R3HDM4: variants seen among roughly 807,000 people sequenced by gnomAD.
R3HDM4 encodes the protein R3H domain-containing protein 4.
R3HDM4 carries 30 observed loss-of-function variants against 31.3 expected under a neutral mutation model. The observed-to-expected ratio is 0.96, with a 90% CI of 0.72 to 1.30. The LOEUF (loss-of-function observed/expected upper bound fraction) is 1.30. R3HDM4 is among the 50% of genes most tolerant of loss of function. The pLI is 0.00. For synonymous variants in R3HDM4, 196 were observed against 156.6 expected (o/e 1.25, Z -1.88); for missense variants, 444 against 366.1 (o/e 1.21, Z -1.74).
At chr19:903,912 G>A (rs1022588536) in intron 1 of R3HDM4, among the ~76,000 whole-genome samples, 8 of 152,122 alleles carry the variant, frequency 5.3e-5, no homozygotes, top group African/African-American at 9.7e-5. Context: ...TTAGCCGGGC[G>A]TGGTGGTGGG....
At position 913,020 on chromosome 19, in the gene R3HDM4, G is replaced by T; in HGVS notation, c.71+67C>A. 1 of 580,072 alleles carries T rather than the reference G, an allele frequency of 1.7e-6. No homozygotes were observed. Among genetic ancestry groups the T allele is most frequent in the Non-Finnish European group, 2.2e-6 (1 of 451,002 alleles). 35.9% of individuals were successfully genotyped at this position (580,072 alleles called of 1,614,324 possible). A position where few individuals can be genotyped will look rare whatever the true frequency, so the allele number is the denominator to read the frequency against. On this transcript the variant is annotated intron_variant, in intron 1 of 7. Transcript: ENST00000361574. This position sits in a 1 kb window ranked among gnomAD's most constrained non-coding sequence, Gnocchi z 5.0. ...GAAAGGAGGGGAGGGGAGGCGGGGAGAGGATCTCAGGGGAGGGAGCCCAGC... is the reference window on the plus strand; with the variant it reads ...GAAAGGAGGGGAGGGGAGGCGGGGATAGGATCTCAGGGGAGGGAGCCCAGC...
chr19:908,331 G>A (rs1006355841), intron 1 of R3HDM4, among the ~76,000 whole-genome samples: 4 of 151,808 alleles, frequency 2.6e-5, no homozygotes, highest in Admixed American at 2.6e-4. Flanking sequence ...GCCTGGCCGG[G>A]CGCAGTGGTT....
intron 1 of R3HDM4, among the ~76,000 whole-genome samples, chr19:909,384 A>G (rs1046856493): frequency 1.3e-5 from 2 of 152,144 alleles, no homozygotes; most frequent in East Asian, 1.9e-4. Context: ...GGCGGCCCCC[A>G]GCAGTCCCCA....
intron 7 of R3HDM4, among the ~76,000 whole-genome samples, chr19:897,871 C>T (rs969372184): frequency 3.3e-5 from 5 of 152,256 alleles, no homozygotes; most frequent in Non-Finnish European, 5.9e-5. Context: ...TCCGGCCTCC[C>T]CTCAGGCTCC....
chr19:904,939 G>A (rs2036883669), intron 1 of R3HDM4, among the ~76,000 whole-genome samples: 1 of 152,214 alleles, frequency 6.6e-6, no homozygotes, highest in East Asian at 1.9e-4. Flanking sequence ...GGGCGTGGTG[G>A]CTCACACCTG....
rs367694345 is a variant in R3HDM4 at position 899,537 on chromosome 19, G to A, written c.648-42C>T. The A allele has an allele frequency of 8.7e-6, 14 of 1,612,484 alleles. No individual in the cohort carries two copies. The highest frequency in any genetic ancestry group is 2.2e-5 in the East Asian group (1 of 44,884). ...GTGAGCGCCGTGCAGGGGCTGCAGCGTGGGGTGTCCGCCCACCTGGCCGCA... is the reference window on the plus strand; with the variant it reads ...GTGAGCGCCGTGCAGGGGCTGCAGCATGGGGTGTCCGCCCACCTGGCCGCA... On this transcript the variant is annotated intron_variant, in intron 6 of 7. Transcript: ENST00000361574. The surrounding 1 kb of genome is among the most constrained non-coding windows in gnomAD (Gnocchi z 6.8).
chr19:902,159 G>A (rs751558630), intron 1 of R3HDM4, 29 bp from the exon 2 acceptor site: 2 of 1,608,874 alleles, frequency 1.2e-6, no homozygotes, highest in Non-Finnish European at 1.7e-6. Context: ...GTGGTCCTCA[G>A]GGTCAAGGCC....
chr19:901,012 C>CG, intron 3 of R3HDM4, 60 bp from the exon 4 acceptor site: 2 of 1,501,184 alleles, frequency 1.3e-6, no homozygotes, highest in Non-Finnish European at 1.8e-6. Flanking sequence ...CTGACATCCC[C>CG]GGGCAAATGG....
intron 1 of R3HDM4, among the ~76,000 whole-genome samples, chr19:906,945 A>G (rs2036912691): frequency 6.6e-6 from 1 of 151,578 alleles, no homozygotes; most frequent in South Asian, 2.1e-4. Flanking sequence ...CCTCCCGAGT[A>G]GCTGGGATTA....
At chr19:897,607 G>T in intron 7 of R3HDM4, 67 bp from the exon 8 acceptor site, 1 of 1,223,410 alleles carries the variant, frequency 8.2e-7, no homozygotes. Flanking sequence ...GAGGTGCCTC[G>T]GACCTGCACC....
In R3HDM4 at chr19:907,642, C is replaced by T. The variant is rs928528010; in HGVS notation, c.71+5445G>A. On this transcript the variant is annotated intron_variant, in intron 1 of 7. Transcript: ENST00000361574. The surrounding 1 kb of genome is among the most constrained non-coding windows in gnomAD (Gnocchi z 4.1). ...AGCTACCCTGCTTCCCTCACCACCC[C>T]TCATACCAAAGCCCCACAGGCCTCT... Among the ~76,000 whole-genome samples the T allele has an allele frequency of 6.6e-6, 1 of 152,124 alleles. No homozygotes were observed. The highest frequency in any genetic ancestry group is 2.4e-5 in the African/African-American group (1 of 41,434).
intron 1 of R3HDM4, among the ~76,000 whole-genome samples, chr19:910,982 G>A (rs139892119): frequency 2.6e-5 from 4 of 151,746 alleles, no homozygotes; most frequent in South Asian, 2.1e-4. Context: ...TTAGCCGGGC[G>A]CGGTGGCGGG....
rs1032895917 is a variant in R3HDM4, at chr19:901,921, T to C, written c.226+55A>G. ...GGGTAACAGATAACACCAATATGCA[T>C]GCCATTCTACAAGGCCCAGGAGCCC... On this transcript the variant is annotated intron_variant, in intron 2 of 7. Coordinates refer to ENST00000361574, the MANE Select transcript of R3HDM4 (RefSeq NM_138774.4). The C allele has an allele frequency of 1.7e-5, 28 of 1,600,636 alleles. No individual in the cohort carries two copies. The East Asian group carries it at 3.6e-4, about 20-fold the overall frequency.
At chr19:908,436 C>A (rs1042575286) in intron 1 of R3HDM4, among the ~76,000 whole-genome samples, 1 of 151,628 alleles carries the variant, frequency 6.6e-6, no homozygotes, top group Non-Finnish European at 1.5e-5. Flanking sequence ...GTGAAACTCC[C>A]GTCTCTACTA....
Position 902,005 on chromosome 19 carries a change from C to T in R3HDM4, c.197G>A (p.Gly66Glu). The T allele has an allele frequency of 6.2e-7, 1 of 1,613,866 alleles. No homozygotes were observed. The highest frequency in any genetic ancestry group is 8.5e-7 in the Non-Finnish European group (1 of 1,180,014). The stretch of plus-strand genomic sequence containing the variant: ...CTCCAGGCGCTGGAGGCTCTTCCGC[C>T]CCTTGGCCTTGGGCACGAGGTCTGA... ...RNSDLVPKAK[G>E]RKSLQRLENT... is the part of the protein sequence containing the mutation. Residue 66 changes from glycine (G) to glutamate (E), a missense_variant, in exon 2 of 8, where the codon GGG becomes GAG. Physicochemically the swap from Gly to Glu is moderately conservative, Grantham distance 98. Coordinates refer to ENST00000361574, the MANE Select transcript of R3HDM4 (RefSeq NM_138774.4).
chr19:898,329 CG>C (rs2036770651), intron 7 of R3HDM4, among the ~76,000 whole-genome samples: 1 of 146,940 alleles, frequency 6.8e-6, no homozygotes, highest in Non-Finnish European at 1.5e-5. Context: ...GGCGTGAACC[CG>C]GGAGGTGGAG....
In R3HDM4 at chr19:897,506, G is replaced by A. The variant is rs1226776299; in HGVS notation, c.738C>T (p.Val246=). 1 of 1,613,054 alleles carries A rather than the reference G, an allele frequency of 6.2e-7. No homozygotes were observed. Among genetic ancestry groups the A allele is most frequent in the African/African-American group, 1.3e-5 (1 of 74,916 alleles). Residue 246 remains valine (V), a synonymous_variant, in exon 8 of 8, where the codon GTC becomes GTT. Coordinates refer to ENST00000361574, the MANE Select transcript of R3HDM4 (RefSeq NM_138774.4). ...GCAGGAAATCCAGGTGCCGATTACT[G>A]ACCTTCATCTGCCGCTTCCCCTCCA... is the stretch of plus-strand genomic sequence containing the variant. The part of the protein sequence containing the change: ...ADLEGKRQMK[V]SNRHLDFLPP...
chr19:904,268 G>A (rs567855348), intron 1 of R3HDM4, among the ~76,000 whole-genome samples: 6 of 152,226 alleles, frequency 3.9e-5, no homozygotes, highest in African/African-American at 9.6e-5. Context: ...GTCCCGCCTC[G>A]GACCTTCGCA....
chr19:905,864 C>A (rs1256367816), intron 1 of R3HDM4, among the ~76,000 whole-genome samples: 2 of 152,140 alleles, frequency 1.3e-5, no homozygotes, highest in Admixed American at 1.3e-4. Context: ...CAGGCAGAGG[C>A]ACGGGTCAAG....
Sources: gnomAD v4.1 joint callset for allele counts (sites outside exome capture counted in the v4.1 genomes callset) on GRCh38, gnomAD v4.1.1 for gene constraint, Gnocchi (gnomAD v3.1) non-coding constraint, MANE v1.5 for transcripts, NCBI Gene and HGNC (gene_info 2026-07-23, HGNC 2026-07-21) for gene names.